RHOBTB1: variants seen among roughly 807,000 people sequenced by gnomAD.
RHOBTB1 encodes the protein rho-related BTB domain-containing protein 1.
In RHOBTB1, 40 loss-of-function variants were observed where a neutral mutation model predicts 71.6. That is an observed-to-expected ratio of 0.56 (90% CI 0.43 to 0.73). RHOBTB1 has a LOEUF of 0.73. RHOBTB1 is among the 30% of genes least tolerant of loss of function. The pLI, the probability that RHOBTB1 is intolerant of heterozygous loss-of-function variation, is 0.00. For synonymous variants in RHOBTB1, 319 were observed against 334.9 expected (o/e 0.95, Z 0.52); for missense variants, 797 against 894.0 (o/e 0.89, Z 1.38).
chr10:60,913,552 G>A (rs2083103514), intron 2 of RHOBTB1, among the ~76,000 whole-genome samples: 1 of 152,158 alleles, frequency 6.6e-6, no homozygotes, highest in African/African-American at 2.4e-5. Flanking sequence ...CATGAATTTG[G>A]TGTTAGATTG....
intron 4 of RHOBTB1, among the ~76,000 whole-genome samples, chr10:60,895,927 A>G (rs942018901): frequency 2.6e-5 from 4 of 152,280 alleles, no homozygotes; most frequent in Admixed American, 2.6e-4. Flanking sequence ...TGCAGCTTTG[A>G]TGCATTTCTC....
In RHOBTB1 at chr10:60,944,086, C is replaced by G. The variant is rs1438743459; in HGVS notation, c.-177G>C. The G allele has an allele frequency of 2.0e-5, 3 of 151,670 alleles. No individual in the cohort carries two copies. The highest frequency in any genetic ancestry group is 7.2e-5 in the African/African-American group (3 of 41,382). 9.4% of individuals were successfully genotyped at this position (151,670 alleles called of 1,614,324 possible). Reference sequence around the variant, plus strand: ...GCGCGGTCGCGGGTGTGCGGGGCCCCTGCGCGCGGCGCGCCGCCCGCCGCC... The same window carrying G: ...GCGCGGTCGCGGGTGTGCGGGGCCCGTGCGCGCGGCGCGCCGCCCGCCGCC... On this transcript the variant is annotated 5_prime_UTR_variant, in exon 1 of 11. Transcript: ENST00000337910.
intron 7 of RHOBTB1, among the ~76,000 whole-genome samples, chr10:60,879,420 T>A (rs1400963867): frequency 6.6e-6 from 1 of 152,030 alleles, no homozygotes; most frequent in Non-Finnish European, 1.5e-5. Context: ...GATGATAGCT[T>A]AGGCCTGGGC....
intron 1 of RHOBTB1, among the ~76,000 whole-genome samples, chr10:60,991,985 G>A (rs995816721): frequency 1.3e-5 from 2 of 152,084 alleles, no homozygotes; most frequent in African/African-American, 2.4e-5. Flanking sequence ...GATGCAATTC[G>A]GTGTCTAACA....
intron 2 of RHOBTB1, among the ~76,000 whole-genome samples, chr10:60,913,523 C>G (rs2083101259): frequency 1.3e-5 from 2 of 152,172 alleles, no homozygotes; most frequent in Non-Finnish European, 2.9e-5. Flanking sequence ...ACCCATCTAA[C>G]AGTATAACAT....
At chr10:60,997,949 A>G (rs2087115131) in intron 1 of RHOBTB1, among the ~76,000 whole-genome samples, 1 of 152,210 alleles carries the variant, frequency 6.6e-6, no homozygotes, top group African/African-American at 2.4e-5. Flanking sequence ...CTTAGGTTCT[A>G]TAGCTTATGG....
intron 2 of RHOBTB1, among the ~76,000 whole-genome samples, chr10:60,977,550 A>G (rs1169341970): frequency 6.6e-6 from 1 of 152,142 alleles, no homozygotes; most frequent in Non-Finnish European, 1.5e-5. Context: ...AGATTTGTTT[A>G]CTTTTTTCTC....
At chr10:60,893,546 C>T (rs2082024536) in intron 4 of RHOBTB1, among the ~76,000 whole-genome samples, 1 of 152,184 alleles carries the variant, frequency 6.6e-6, no homozygotes, top group African/African-American at 2.4e-5. Flanking sequence ...AGCCACTTAT[C>T]TGTTTCCGAA....
At chr10:60,990,432 C>T (rs1227369621) in intron 1 of RHOBTB1, among the ~76,000 whole-genome samples, 1 of 152,204 alleles carries the variant, frequency 6.6e-6, no homozygotes, top group Non-Finnish European at 1.5e-5. Flanking sequence ...AAAATACTCT[C>T]AAACAGGCAG....
rs189413695 is a variant in RHOBTB1 at position 60,905,363 on chromosome 10, T to C, written c.296+5524A>G. Among the ~76,000 whole-genome samples, 97 of 140,506 alleles carry C rather than the reference T, an allele frequency of 6.9e-4. 1 individual carries two copies. The East Asian group carries it at 0.013, about 19-fold the overall frequency. The allele number at this position is 140,506 out of a possible 152,430, so 92.2% of individuals were successfully genotyped here. The stretch of plus-strand genomic sequence containing the variant: ...TACTTGGGAGGCTGAGGCAGGAGAA[T>C]CACTTGAACCTGGGAGACGTAGGTT... On this transcript the variant is annotated intron_variant, in intron 4 of 10. Coordinates refer to ENST00000337910, the MANE Select transcript of RHOBTB1 (RefSeq NM_014836.5).
intron 2 of RHOBTB1, among the ~76,000 whole-genome samples, chr10:60,975,441 C>T (rs912785912): frequency 1.9e-4 from 29 of 152,074 alleles, no homozygotes; most frequent in African/African-American, 6.8e-4. Context: ...CAAATAAAAA[C>T]AATTTCTAAT....
At chr10:60,867,578 C>T (rs75968440), downstream of RHOBTB1, among the ~76,000 whole-genome samples, 320 of 152,314 alleles carry the variant, frequency 2.1e-3, 2 homozygotes, top group African/African-American at 7.3e-3. Flanking sequence ...ACTGCATGAT[C>T]GCTTGGTTTC....
intron 2 of RHOBTB1, among the ~76,000 whole-genome samples, chr10:60,971,718 T>C (rs2086165457): frequency 6.6e-6 from 1 of 152,122 alleles, no homozygotes; most frequent in South Asian, 2.1e-4. Context: ...CTAAAGAGCT[T>C]CTGCACAGCA....
At chr10:60,983,075 G>C (rs892431404) in intron 2 of RHOBTB1, among the ~76,000 whole-genome samples, 1 of 152,114 alleles carries the variant, frequency 6.6e-6, no homozygotes, top group Non-Finnish European at 1.5e-5. Context: ...CAGTGTTCTT[G>C]AATCTGTCTG....
chr10:60,866,254 C>T (rs1248292471), downstream of RHOBTB1, among the ~76,000 whole-genome samples: 1 of 152,194 alleles, frequency 6.6e-6, no homozygotes, highest in Non-Finnish European at 1.5e-5. Flanking sequence ...GGGATGGATG[C>T]AGCCTATGGG....
chr10:60,905,523 TA>T (rs1363817292), intron 4 of RHOBTB1, among the ~76,000 whole-genome samples: 1 of 150,972 alleles, frequency 6.6e-6, no homozygotes, highest in African/African-American at 2.4e-5. Context: ...ATCAAAATTT[TA>T]AATAAAGTCA....
intron 2 of RHOBTB1, among the ~76,000 whole-genome samples, chr10:60,966,679 T>C (rs1004315421): frequency 6.6e-6 from 1 of 152,078 alleles, no homozygotes; most frequent in Non-Finnish European, 1.5e-5. Context: ...TTGGTTCTTT[T>C]TTTTTAATCT....
chr10:60,885,980 C>T, intron 7 of RHOBTB1, 132 bp downstream of exon 7: 1 of 712,814 alleles, frequency 1.4e-6, no homozygotes, highest in Non-Finnish European at 2.5e-6. Flanking sequence ...ATGATTATGA[C>T]TAACAGTATG....
At position 60,932,997 on chromosome 10, in the gene RHOBTB1, C is replaced by A. The variant is rs1046850845; in HGVS notation, c.-11+8807G>T. On this transcript the variant is annotated intron_variant, in intron 2 of 10. Coordinates refer to ENST00000337910, the MANE Select transcript of RHOBTB1 (RefSeq NM_014836.5). ...TGACAATCAAGCAATTGTATGTAAA[C>A]ATTTATGAGACTATCATATGCTCGT... Among the ~76,000 whole-genome samples the A allele has an allele frequency of 3.3e-5, 5 of 152,326 alleles. No individual in the cohort carries two copies. In the East Asian group the frequency reaches 9.6e-4, roughly 29 times the overall value.
Sources: gnomAD v4.1 joint callset for allele counts (sites outside exome capture counted in the v4.1 genomes callset) on GRCh38, gnomAD v4.1.1 for gene constraint, MANE v1.5 for transcripts, NCBI Gene and HGNC (gene_info 2026-07-23, HGNC 2026-07-21) for gene names.